Variants in GSG1L observed in about 807,000 individuals in gnomAD.
GSG1L encodes germ cell-specific gene 1-like protein.
A neutral mutation model predicts 42.1 loss-of-function variants in GSG1L; 24 were observed. The observed-to-expected ratio is 0.57, with a 90% CI of 0.41 to 0.80. The LOEUF (loss-of-function observed/expected upper bound fraction) is 0.80, where lower values mean the gene tolerates loss of function less well. GSG1L is among the 30% of genes least tolerant of loss of function. The pLI, the probability that GSG1L is intolerant of heterozygous loss-of-function variation, is 0.00. For synonymous variants in GSG1L, 215 were observed against 203.5 expected, an observed-to-expected ratio of 1.06 and a Z score of -0.48; for missense variants, 445 against 472.2, an observed-to-expected ratio of 0.94 and a Z score of 0.53.
intron 1 of GSG1L, among the ~76,000 whole-genome samples, chr16:28,010,671 T>C (rs2085706853): frequency 6.6e-6 from 1 of 152,076 alleles, no homozygotes; most frequent in Non-Finnish European, 1.5e-5. Context: ...GGAGAAGCCA[T>C]CCATCCCTCC....
chr16:28,049,392 A>G (rs550836414), intron 1 of GSG1L, among the ~76,000 whole-genome samples: 1 of 152,288 alleles, frequency 6.6e-6, no homozygotes, highest in Middle Eastern at 3.4e-3. Flanking sequence ...CTTAAGAAGT[A>G]GAAAACTGGA....
At chr16:27,916,821 T>A (rs1462970657) in intron 2 of GSG1L, among the ~76,000 whole-genome samples, 1 of 152,100 alleles carries the variant, frequency 6.6e-6, no homozygotes, top group Non-Finnish European at 1.5e-5. Context: ...TGATACATCA[T>A]AAGTGCTATA....
intron 2 of GSG1L, among the ~76,000 whole-genome samples, chr16:27,899,098 G>A (rs2141040373): frequency 6.6e-6 from 1 of 152,328 alleles, no homozygotes; most frequent in South Asian, 2.1e-4. Context: ...TGGCATGGGA[G>A]GCCAGGAAAG....
At chr16:27,972,637 T>C (rs759778493) in intron 1 of GSG1L, among the ~76,000 whole-genome samples, 38 of 152,334 alleles carry the variant, frequency 2.5e-4, no homozygotes, top group Middle Eastern at 6.8e-3. Flanking sequence ...TGCCACCTGA[T>C]GGCAGCATAC....
At chr16:27,888,513 TTCTTTCTTTCTTTC>T (rs2084076875) in intron 2 of GSG1L, among the ~76,000 whole-genome samples, 1 of 15,852 alleles carries the variant, frequency 6.3e-5, no homozygotes, top group South Asian at 3.1e-3. Flanking sequence ...CTTTCTTTCT[TTCTTTCTTTCTTTC>T]TTTCTTTCTT....
At chr16:27,873,823 G>T (rs930381922) in intron 3 of GSG1L, among the ~76,000 whole-genome samples, 1 of 152,308 alleles carries the variant, frequency 6.6e-6, no homozygotes, top group South Asian at 2.1e-4. Flanking sequence ...ACTACCTTGG[G>T]GAAAGGAGGG....
intron 1 of GSG1L, among the ~76,000 whole-genome samples, chr16:28,036,499 C>CA (rs5816458): frequency 0.32 from 48,699 of 152,060 alleles, 8,651 homozygotes; most frequent in South Asian, 0.5. Context: ...ACGCTCCTCA[C>CA]GTCTCCCAGG....
At chr16:27,948,303 G>T (rs1176830801) in intron 2 of GSG1L, among the ~76,000 whole-genome samples, 1 of 152,218 alleles carries the variant, frequency 6.6e-6, no homozygotes, top group East Asian at 1.9e-4. Context: ...ACCTCTTCAA[G>T]TTGTTGGGGA....
intron 2 of GSG1L, among the ~76,000 whole-genome samples, chr16:27,951,867 A>G (rs144499399): frequency 1.3e-3 from 196 of 152,362 alleles, no homozygotes; most frequent in Middle Eastern, 6.8e-3. Flanking sequence ...ACAAGAGACT[A>G]TTATAGGAAC....
chr16:27,994,865 G>A (rs752684731), intron 1 of GSG1L, among the ~76,000 whole-genome samples: 2 of 152,198 alleles, frequency 1.3e-5, no homozygotes, highest in African/African-American at 2.4e-5. Context: ...TCACATTGTG[G>A]TTTACAGGAA....
intron 1 of GSG1L, among the ~76,000 whole-genome samples, chr16:27,990,927 A>C (rs895284768): frequency 1.3e-5 from 2 of 152,260 alleles, no homozygotes; most frequent in African/African-American, 4.8e-5. Context: ...AATTTAAAAA[A>C]AAAAGTCTAA....
chr16:28,033,071 C>T (rs1433308389), intron 1 of GSG1L, among the ~76,000 whole-genome samples: 1 of 152,174 alleles, frequency 6.6e-6, no homozygotes, highest in Non-Finnish European at 1.5e-5. Context: ...ACACCAGGGT[C>T]CCTCTCTAGC....
At chr16:27,844,641 T>A (rs1213708064) in intron 4 of GSG1L, among the ~76,000 whole-genome samples, 1 of 152,228 alleles carries the variant, frequency 6.6e-6, no homozygotes, top group African/African-American at 2.4e-5. Context: ...GAATTTCATG[T>A]AATTTTCACA....
intron 1 of GSG1L, among the ~76,000 whole-genome samples, chr16:27,988,575 G>C (rs1334408303): frequency 6.6e-6 from 1 of 152,040 alleles, no homozygotes; most frequent in African/African-American, 2.4e-5. Context: ...TATCTGTGTG[G>C]TCCAAAGCTG....
At chr16:27,926,207 A>T (rs1217829016) in intron 2 of GSG1L, among the ~76,000 whole-genome samples, 1 of 152,240 alleles carries the variant, frequency 6.6e-6, no homozygotes, top group Non-Finnish European at 1.5e-5. Flanking sequence ...CTGCAAGTCA[A>T]TCTGGTCCCT....
intron 3 of GSG1L, among the ~76,000 whole-genome samples, chr16:27,850,102 C>T (rs371374298): frequency 2.3e-4 from 27 of 118,818 alleles, no homozygotes; most frequent in South Asian, 1.1e-3. Flanking sequence ...GATCTTGGGT[C>T]GCCACAACCT....
At chr16:27,855,891 C>T (rs1239231282) in intron 3 of GSG1L, among the ~76,000 whole-genome samples, 2 of 151,978 alleles carry the variant, frequency 1.3e-5, no homozygotes, top group Non-Finnish European at 2.9e-5. Flanking sequence ...ACCGGGTGCT[C>T]TGTTCTGGGG....
intron 2 of GSG1L, among the ~76,000 whole-genome samples, chr16:27,934,433 G>A (rs1445145255): frequency 6.6e-6 from 1 of 152,166 alleles, no homozygotes; most frequent in African/African-American, 2.4e-5. Flanking sequence ...TATTTGGGAG[G>A]TTAAGGTAGG....
Position 27,867,916 on chromosome 16 carries a change from T to C in GSG1L, c.550+16570A>G, listed in dbSNP as rs553272720. ...TCCTGTCCCAACCTCCTTGCGTTTCTCGCGAGACCAGGCCCAGAAATTCCC... is the reference window on the plus strand; with the variant it reads ...TCCTGTCCCAACCTCCTTGCGTTTCCCGCGAGACCAGGCCCAGAAATTCCC... On this transcript the variant is annotated intron_variant, in intron 3 of 6. Transcript: ENST00000447459. 4.6e-4 allele frequency among the ~76,000 whole-genome samples: 70 copies of C among 152,370 alleles called. 1 individual carries two copies. Among genetic ancestry groups the C allele is most frequent in the African/African-American group, 1.7e-3 (69 of 41,586 alleles).
Sources: allele counts gnomAD v4.1 joint callset (sites outside exome capture counted in the v4.1 genomes callset), GRCh38; gene constraint gnomAD v4.1.1; transcripts MANE v1.5; gene names NCBI Gene and HGNC (gene_info 2026-07-23, HGNC 2026-07-21).